The following TBC1D1 variants were observed in gnomAD, a reference collection of about 807,000 sequenced individuals.
The protein encoded by TBC1D1 is TBC1 (tre-2/USP6, BUB2, cdc16) domain family, member 1.
Under a neutral mutation model 125.6 loss-of-function variants are expected in TBC1D1, and 89 were observed. The ratio of observed to expected loss-of-function variants is 0.71; its 90% CI spans 0.60 to 0.85. The LOEUF (loss-of-function observed/expected upper bound fraction) is 0.85, where lower values mean the gene tolerates loss of function less well. Among genes scored for constraint, TBC1D1 ranks in the 40% least tolerant of loss-of-function variants. The pLI, the probability that TBC1D1 is intolerant of heterozygous loss-of-function variation, is 0.00. For synonymous variants in TBC1D1, 565 were observed against 564.1 expected (o/e 1.00, Z -0.02); for missense variants, 1,377 against 1,469.2 (o/e 0.94, Z 1.03).
chr4:38,133,303 T>C, intron 19 of TBC1D1, 46 bp downstream of exon 21: 1 of 1,570,924 alleles, frequency 6.4e-7, no homozygotes, highest in East Asian at 2.2e-5. Flanking sequence ...AAATATATGG[T>C]AGTTCATTAA....
At chr4:38,123,644 G>A (rs528425676) in intron 17 of TBC1D1, among the ~76,000 whole-genome samples, 39 of 152,234 alleles carry the variant, frequency 2.6e-4, no homozygotes, top group Non-Finnish European at 5.1e-4. Flanking sequence ...GCCACCCTGA[G>A]CCATCAGTAG....
intron 18 of TBC1D1, among the ~76,000 whole-genome samples, chr4:38,130,958 C>T (rs1294705163): frequency 6.6e-6 from 1 of 152,168 alleles, no homozygotes; most frequent in Non-Finnish European, 1.5e-5. Context: ...CTTTTCTTTC[C>T]CCAAGTAATT....
At chr4:38,125,638 T>C (rs368314068) in intron 18 of TBC1D1, among the ~76,000 whole-genome samples, 7 of 152,192 alleles carry the variant, frequency 4.6e-5, no homozygotes, top group African/African-American at 1.7e-4. Flanking sequence ...CAGTTCAATA[T>C]CTGTGGCTTC....
intron 13 of TBC1D1, among the ~76,000 whole-genome samples, chr4:38,094,500 T>G (rs909478603): frequency 6.6e-5 from 10 of 152,116 alleles, no homozygotes; most frequent in Admixed American, 2.0e-4. Context: ...GCCTGGGTGT[T>G]TGTTGTAGTT....
chr4:37,995,223 G>GAC lies in TBC1D1; in HGVS notation c.418-19284_418-19283dup, dbSNP rs1367359843. Among the ~76,000 whole-genome samples the GAC allele has an allele frequency of 6.6e-6, 1 of 152,152 alleles. No homozygotes were observed. The highest frequency in any genetic ancestry group is 2.4e-5 in the African/African-American group (1 of 41,422). Reference sequence around the variant, plus strand: ...TTCTTCCTCATATGCTAGGAGCCTGGACAGATAAAGGTGTAAACAAAAATG... The same window carrying GAC: ...TTCTTCCTCATATGCTAGGAGCCTGGACACAGATAAAGGTGTAAACAAAAATG... On this transcript the variant is annotated intron_variant, in intron 2 of 19. Transcript: ENST00000261439. This position sits in a 1 kb window ranked among gnomAD's most constrained non-coding sequence, Gnocchi z 4.3.
chr4:38,049,623 A>G lies in TBC1D1; in HGVS notation c.1635A>G (p.Pro545=). Residue 545 remains proline, a synonymous_variant, in exon 11 of 20, where the codon CCA becomes CCG. Coordinates refer to ENST00000261439, the MANE Select transcript of TBC1D1 (RefSeq NM_015173.4). ...TGCTGTGTGTTTGCTCCCAGGAGCC[A>G]TCTGTGTGTGAAAAGGAGGCCTTGC... is the stretch of plus-strand genomic sequence containing the variant. 6.2e-7 allele frequency: 1 copy of G among 1,605,788 alleles called. No homozygotes were observed. The highest frequency in any genetic ancestry group is 8.5e-7 in the Non-Finnish European group (1 of 1,174,522).
intron 2 of TBC1D1, among the ~76,000 whole-genome samples, chr4:37,955,963 C>T (rs1728853303): frequency 1.3e-5 from 2 of 151,832 alleles, no homozygotes; most frequent in African/African-American, 4.8e-5. Flanking sequence ...ATAGTGAGAC[C>T]TTGTCTCTAT....
At chr4:38,017,089 C>G (rs1255577352) in intron 3 of TBC1D1, among the ~76,000 whole-genome samples, 6 of 152,160 alleles carry the variant, frequency 3.9e-5, no homozygotes, top group Admixed American at 3.9e-4. Flanking sequence ...GGAGCCCCAC[C>G]CAACTTTGGA....
chr4:37,891,618 AC>A (rs1258691665), intron 1 of TBC1D1, among the ~76,000 whole-genome samples: 4 of 71,748 alleles, frequency 5.6e-5, no homozygotes, highest in Non-Finnish European at 1.1e-4. Flanking sequence ...TTCTCCCCCA[AC>A]CCCCGCCAGC....
chr4:38,138,525 G>C lies in TBC1D1; in HGVS notation c.*1190G>C, dbSNP rs752014076. On this transcript the variant is annotated 3_prime_UTR_variant, in exon 20 of 20. Coordinates refer to ENST00000261439, the MANE Select transcript of TBC1D1 (RefSeq NM_015173.4). ...GACAGCTGACAGTTTTTCAGAGGTC[G>C]CACACAGTGACTCTCCTCTCTCAGG... is the stretch of plus-strand genomic sequence containing the variant. 6.6e-6 allele frequency: 1 copy of C among 152,520 alleles called. No individual in the cohort carries two copies. Among genetic ancestry groups the C allele is most frequent in the Admixed American group, 6.5e-5 (1 of 15,278 alleles). The allele number at this position is 152,520 out of a possible 1,614,324, so 9.4% of individuals were successfully genotyped here. A position where few individuals can be genotyped will look rare whatever the true frequency, so the allele number is the denominator to read the frequency against.
At chr4:38,020,182 GT>G (rs1186702077) in intron 4 of TBC1D1, among the ~76,000 whole-genome samples, 2 of 152,134 alleles carry the variant, frequency 1.3e-5, no homozygotes, top group African/African-American at 2.4e-5. Context: ...ATTTCCTAGT[GT>G]TTTTTAAAAT....
At chr4:38,006,578 A>G (rs1221263417) in intron 2 of TBC1D1, among the ~76,000 whole-genome samples, 1 of 147,440 alleles carries the variant, frequency 6.8e-6, no homozygotes, top group Non-Finnish European at 1.5e-5. Context: ...TTCCGGGTTC[A>G]AGCGATGCTC....
intron 2 of TBC1D1, among the ~76,000 whole-genome samples, chr4:37,963,259 C>T (rs1053595413): frequency 6.6e-6 from 1 of 152,208 alleles, no homozygotes; most frequent in African/African-American, 2.4e-5. Flanking sequence ...CACAGTTCTG[C>T]AGGCTGTACA....
At chr4:38,115,121 T>A (rs676461) in intron 15 of TBC1D1, among the ~76,000 whole-genome samples, 48,383 of 144,614 alleles carry the variant, frequency 0.33, 8,038 homozygotes, top group East Asian at 0.37. Context: ...TTTTTTGGAG[T>A]TGGAGTTTTT....
At chr4:38,070,352 A>G (rs1754492511) in intron 12 of TBC1D1, among the ~76,000 whole-genome samples, 1 of 152,246 alleles carries the variant, frequency 6.6e-6, no homozygotes, top group African/African-American at 2.4e-5. Flanking sequence ...TGACTACACA[A>G]CCAAAGATGG....
In TBC1D1 at chr4:38,103,054, C is replaced by T; in HGVS notation, c.2454C>T (p.His818=). 1 of 1,614,190 alleles carries T rather than the reference C, an allele frequency of 6.2e-7. No individual in the cohort carries two copies. The highest frequency in any genetic ancestry group is 1.3e-5 in the African/African-American group (1 of 75,044). ...GGAAATTTCTAGCTGAGCAATTCCACCTTAAACACCAGTTTCCCAGCAAAC... is the reference window on the plus strand; with the variant it reads ...GGAAATTTCTAGCTGAGCAATTCCATCTTAAACACCAGTTTCCCAGCAAAC... The change falls in exon 15 of 20, where the codon CAC becomes CAT. Residue 818 remains histidine, a synonymous_variant. Transcript: ENST00000261439.
chr4:37,892,753 G>GT (rs1158775650), intron 1 of TBC1D1, among the ~76,000 whole-genome samples: 1 of 152,184 alleles, frequency 6.6e-6, no homozygotes, highest in Non-Finnish European at 1.5e-5. Flanking sequence ...TTCTGGTTGG[G>GT]TGGCAGTCAT....
At chr4:38,059,642 G>A (rs377563711) in intron 12 of TBC1D1, among the ~76,000 whole-genome samples, 1 of 152,200 alleles carries the variant, frequency 6.6e-6, no homozygotes, top group Non-Finnish European at 1.5e-5. Context: ...TTCATTCTTG[G>A]TAACTATACA....
intron 3 of TBC1D1, 145 bp from the exon 4 acceptor site, chr4:38,018,209 C>G (rs1157743298): frequency 1.6e-6 from 1 of 635,798 alleles, no homozygotes; most frequent in African/African-American, 1.9e-5. Context: ...GACCTGAAAT[C>G]CAGAGGATAA....
Sources: allele counts gnomAD v4.1 joint callset (sites outside exome capture counted in the v4.1 genomes callset), GRCh38; gene constraint gnomAD v4.1.1; non-coding constraint Gnocchi (gnomAD v3.1); transcripts MANE v1.5; gene names NCBI Gene and HGNC (gene_info 2026-07-23, HGNC 2026-07-21).